SPATA6: variants seen among roughly 807,000 people sequenced by gnomAD.
SPATA6 encodes the protein spermatogenesis-associated protein 6.
SPATA6 carries 56 observed loss-of-function variants against 65.3 expected under a neutral mutation model. The observed-to-expected ratio is 0.86, with a 90% CI of 0.69 to 1.07. The LOEUF is 1.07. Among genes scored for constraint, SPATA6 ranks in the 50% least tolerant of loss-of-function variants. The probability of loss-of-function intolerance (pLI) is 0.00; values close to 1 mark genes in which losing one functional copy is unlikely to be tolerated. For synonymous variants in SPATA6, 199 were observed against 213.2 expected, an observed-to-expected ratio of 0.93 and a Z score of 0.58; for missense variants, 590 against 594.8, an observed-to-expected ratio of 0.99 and a Z score of 0.08.
chr1:48,411,600 A>T lies in SPATA6; in HGVS notation c.281-12T>A. 6.5e-7 allele frequency: 1 copy of T among 1,535,380 alleles called. No homozygotes were observed. The highest frequency in any genetic ancestry group is 1.4e-5 in the African/African-American group (1 of 72,370). ...CAGTGTTTCACCCACTACAAGAAAG[A>T]TACCCTATGATTCAAATTATAATAA... On this transcript the variant is annotated splice_polypyrimidine_tract_variant and intron_variant, in intron 4 of 12. Coordinates refer to ENST00000371847, the MANE Select transcript of SPATA6 (RefSeq NM_019073.4).
At chr1:48,310,349 C>G (rs1196510479) in intron 11 of SPATA6, among the ~76,000 whole-genome samples, 2 of 152,048 alleles carry the variant, frequency 1.3e-5, no homozygotes, top group Non-Finnish European at 2.9e-5. Flanking sequence ...CAGTGCCTGC[C>G]AAAATTTTGG....
intron 5 of SPATA6, among the ~76,000 whole-genome samples, chr1:48,410,517 C>T (rs766349154): frequency 1.3e-5 from 2 of 152,282 alleles, no homozygotes; most frequent in African/African-American, 2.4e-5. Context: ...CACACTACCT[C>T]GGTACCAATG....
chr1:48,303,513 C>A (rs1005042088), intron 12 of SPATA6, among the ~76,000 whole-genome samples: 2 of 152,166 alleles, frequency 1.3e-5, no homozygotes. Flanking sequence ...CAGATGAGAA[C>A]ATGCAACATT....
chr1:48,392,261 G>A (rs1279237066), intron 8 of SPATA6, among the ~76,000 whole-genome samples: 1 of 152,016 alleles, frequency 6.6e-6, no homozygotes. Flanking sequence ...ATGAAGAGAA[G>A]AAAAGAAGTT....
At chr1:48,424,967 T>G (rs971922350) in intron 3 of SPATA6, among the ~76,000 whole-genome samples, 1 of 152,210 alleles carries the variant, frequency 6.6e-6, no homozygotes, top group Non-Finnish European at 1.5e-5. Context: ...GTTTGTATTC[T>G]TTGCTGTGCA....
chr1:48,411,674 T>G (rs2147982277), intron 4 of SPATA6, 86 bp from the exon 5 acceptor site: 2 of 1,153,336 alleles, frequency 1.7e-6, no homozygotes, highest in South Asian at 3.6e-5. Flanking sequence ...ATCTACTGCC[T>G]GATGCCTTAT....
chr1:48,319,753 C>A (rs1645546343), intron 11 of SPATA6, among the ~76,000 whole-genome samples: 1 of 152,162 alleles, frequency 6.6e-6, no homozygotes, highest in Non-Finnish European at 1.5e-5. Context: ...ACACAGCGAG[C>A]CACCTGGAGA....
chr1:48,346,950 C>A (rs1189800553), intron 11 of SPATA6, among the ~76,000 whole-genome samples: 1 of 151,902 alleles, frequency 6.6e-6, no homozygotes, highest in East Asian at 1.9e-4. Flanking sequence ...AGATTCTTCA[C>A]AGAAATAGAA....
chr1:48,439,135 A>G (rs1655219075), intron 3 of SPATA6, among the ~76,000 whole-genome samples: 1 of 152,124 alleles, frequency 6.6e-6, no homozygotes, highest in African/African-American at 2.4e-5. Flanking sequence ...TACTAACAAG[A>G]GAACACTTAG....
intron 1 of SPATA6, among the ~76,000 whole-genome samples, chr1:48,464,627 T>C (rs1415033321): frequency 1.3e-5 from 2 of 152,024 alleles, no homozygotes; most frequent in Non-Finnish European, 2.9e-5. Flanking sequence ...AAGGATAAAC[T>C]CCCACAAATT....
intron 9 of SPATA6, among the ~76,000 whole-genome samples, chr1:48,366,139 G>A (rs1647002160): frequency 6.6e-6 from 1 of 152,182 alleles, no homozygotes; most frequent in South Asian, 2.1e-4. Flanking sequence ...TCCCAGGGAT[G>A]AAGCCCACTT....
chr1:48,431,909 G>C (rs184316200), intron 3 of SPATA6, among the ~76,000 whole-genome samples: 1 of 152,066 alleles, frequency 6.6e-6, no homozygotes, highest in South Asian at 2.1e-4. Context: ...TCACGAGCTC[G>C]AGACAGCCTG....
rs551873063 is a variant in SPATA6, at chr1:48,412,475, AT to A, written c.280+634del. ...GATAAGTTAGTTTCCATTTTCAATT[AT>A]TACTATTCAATTTTAGAACAATGTA... On this transcript the variant is annotated intron_variant, in intron 4 of 12. Coordinates refer to ENST00000371847, the MANE Select transcript of SPATA6 (RefSeq NM_019073.4). 3.8e-4 allele frequency among the ~76,000 whole-genome samples: 58 copies of A among 152,356 alleles called. 1 individual carries two copies. Among genetic ancestry groups the A allele is most frequent in the Non-Finnish European group, 8.2e-4 (56 of 68,026 alleles).
At chr1:48,314,810 A>G (rs1645353857) in intron 11 of SPATA6, among the ~76,000 whole-genome samples, 1 of 152,216 alleles carries the variant, frequency 6.6e-6, no homozygotes, top group Admixed American at 6.5e-5. Context: ...CTAATAAAGA[A>G]GAAAAGAGAG....
At chr1:48,263,259 A>T in the SPATA6 span, 2 of 152,226 alleles carry the variant, frequency 1.3e-5, no homozygotes, top group Non-Finnish European at 2.9e-5. Context: ...TTGGTATTTG[A>T]GCATATCTTA....
At chr1:48,385,453 G>C (rs1649365613) in intron 8 of SPATA6, 104 bp from the exon 9 acceptor site, 1 of 987,142 alleles carries the variant, frequency 1.0e-6, no homozygotes. Context: ...GAATATTTCA[G>C]AGATACTTCA....
intron 9 of SPATA6, among the ~76,000 whole-genome samples, chr1:48,362,258 A>G (rs1188437971): frequency 1.3e-5 from 2 of 152,158 alleles, no homozygotes; most frequent in Non-Finnish European, 2.9e-5. Context: ...TGTCTCAAAG[A>G]AAAAGAAAAA....
In SPATA6 at chr1:48,384,119, T is replaced by C. The variant is rs1428142130; in HGVS notation, c.909+1190A>G. Among the ~76,000 whole-genome samples, 413 of 147,204 alleles carry C rather than the reference T, an allele frequency of 2.8e-3. 1 individual carries two copies. The highest frequency in any genetic ancestry group is 0.014 in the South Asian group (63 of 4,524). ...GAGGCCGAGGCTGGCGGATCACTCG[T>C]GGCTAGGAGCTGGAGACCAGCCCGG... On this transcript the variant is annotated intron_variant, in intron 9 of 12. Coordinates refer to ENST00000371847, the MANE Select transcript of SPATA6 (RefSeq NM_019073.4).
chr1:48,279,855 C>A, the SPATA6 span, among the ~76,000 whole-genome samples: 3 of 152,174 alleles, frequency 2.0e-5, no homozygotes, highest in Non-Finnish European at 4.4e-5. Context: ...AAAGAACTCT[C>A]CACCCCAAAT....
Sources: gnomAD v4.1 joint callset for allele counts (sites outside exome capture counted in the v4.1 genomes callset) on GRCh38, gnomAD v4.1.1 for gene constraint, MANE v1.5 for transcripts, NCBI Gene and HGNC (gene_info 2026-07-23, HGNC 2026-07-21) for gene names.